HDGFL3: variants seen among roughly 807,000 people sequenced by gnomAD.
The protein encoded by HDGFL3 is HDGF like 3.
In HDGFL3, 6 loss-of-function variants were observed where a neutral mutation model predicts 27.6. The observed-to-expected ratio is 0.22, with a 90% confidence interval of 0.12 to 0.43. The LOEUF is 0.43. HDGFL3 is among the 20% of genes least tolerant of loss of function. HDGFL3 has a pLI of 1.00. For missense variants in HDGFL3, 207 were observed against 250.1 expected (o/e 0.83, Z 1.16); for synonymous variants, 88 against 88.9 (o/e 0.99, Z 0.05).
At chr15:83,157,133 G>C (rs1157331346) in intron 4 of HDGFL3, among the ~76,000 whole-genome samples, 8 of 152,100 alleles carry the variant, frequency 5.3e-5, no homozygotes, top group Non-Finnish European at 1.5e-5. Flanking sequence ...GTTACTGTAG[G>C]AGGCAAAGCT....
downstream of HDGFL3, among the ~76,000 whole-genome samples, chr15:83,123,563 T>C (rs183174524): frequency 9.6e-4 from 147 of 152,386 alleles, no homozygotes; most frequent in African/African-American, 3.4e-3. Flanking sequence ...AGAATACGAC[T>C]ATTCATTTTA....
chr15:83,195,399 G>A (rs2037557246), intron 1 of HDGFL3, among the ~76,000 whole-genome samples: 1 of 151,838 alleles, frequency 6.6e-6, no homozygotes. Flanking sequence ...GTCTGATCAT[G>A]ATACTGAATA....
chr15:83,207,328 C>CA lies in HDGFL3; in HGVS notation c.84+2dup. ...CGGGCCCGCGCGCGGCCGCGGTACT[C>CA]ACCCGGGCCGGCCAGTGCGGGTAGC... On this transcript the variant is annotated splice_region_variant and intron_variant, in intron 1 of 5. Transcript: ENST00000299633. This position sits in a 1 kb window ranked among gnomAD's most constrained non-coding sequence, Gnocchi z 4.8. 7.2e-7 allele frequency: 1 copy of CA among 1,386,698 alleles called. No individual in the cohort carries two copies. The highest frequency in any genetic ancestry group is 9.4e-7 in the Non-Finnish European group (1 of 1,065,990). 85.9% of individuals were successfully genotyped at this position (1,386,698 alleles called of 1,614,324 possible).
At position 83,143,736 on chromosome 15, in the gene HDGFL3, C is replaced by T. The variant is rs80029543; in HGVS notation, c.607-4461G>A. The stretch of plus-strand genomic sequence containing the variant: ...AACGCAGACTTAATCTTGTGGGGCA[C>T]TGGGGAGATATAAGGCAGCAGCCAC... On this transcript the variant is annotated intron_variant, in intron 5 of 5. Transcript: ENST00000299633. Among the ~76,000 whole-genome samples the T allele has an allele frequency of 6.7e-3, 1,024 of 152,218 alleles. 16 individuals carry two copies. Among genetic ancestry groups the T allele is most frequent in the African/African-American group, 0.024 (980 of 41,534 alleles).
At chr15:83,200,856 CT>C (rs200038603) in intron 1 of HDGFL3, among the ~76,000 whole-genome samples, 32,984 of 120,032 alleles carry the variant, frequency 0.27, 4,051 homozygotes, top group African/African-American at 0.39. Context: ...TTACTTTATT[CT>C]TTTTTTTTTT....
rs552944515 is a variant in HDGFL3 at position 83,134,042 on chromosome 15, G to T, written c.*5228C>A. ...GCCTTGTTTAATAATTCTGAATAAA[G>T]AGGCCTACTAAAATACATACAAAAC... On this transcript the variant is annotated 3_prime_UTR_variant, in exon 6 of 6. Transcript: ENST00000299633. 4 of 152,252 alleles carry T rather than the reference G, an allele frequency of 2.6e-5. No individual in the cohort carries two copies. The South Asian group carries it at 8.3e-4, about 32-fold the overall frequency. 9.4% of individuals were successfully genotyped at this position (152,252 alleles called of 1,614,324 possible). A position where few individuals can be genotyped will look rare whatever the true frequency, so the allele number is the denominator to read the frequency against.
At chr15:83,202,438 G>A (rs947383915) in intron 1 of HDGFL3, among the ~76,000 whole-genome samples, 3 of 152,076 alleles carry the variant, frequency 2.0e-5, no homozygotes, top group Admixed American at 6.5e-5. Context: ...CAGACAGGCT[G>A]AAACCAGAAC....
At chr15:83,204,061 T>C (rs1269579621) in intron 1 of HDGFL3, among the ~76,000 whole-genome samples, 2 of 149,028 alleles carry the variant, frequency 1.3e-5, no homozygotes, top group East Asian at 3.9e-4. Flanking sequence ...GTTAGAATAA[T>C]ACATCTGAAC....
chr15:83,115,647 G>A (rs886332372), exon 4 of HDGFL3: 1 of 687,890 alleles, frequency 1.5e-6, no homozygotes, highest in Non-Finnish European at 2.7e-6. Flanking sequence ...TACTTAGGCA[G>A]GGATGGGGAG....
At chr15:83,180,297 T>C (rs1280273296) in intron 1 of HDGFL3, among the ~76,000 whole-genome samples, 1 of 151,470 alleles carries the variant, frequency 6.6e-6, no homozygotes, top group Admixed American at 6.6e-5. Flanking sequence ...AATAAAGGAG[T>C]CTCTATGCAT....
At chr15:83,200,655 G>A (rs1427438401) in intron 1 of HDGFL3, among the ~76,000 whole-genome samples, 2 of 152,032 alleles carry the variant, frequency 1.3e-5, no homozygotes, top group Non-Finnish European at 2.9e-5. Context: ...GAAAGAGTAA[G>A]AATTATCATC....
chr15:83,182,353 T>C (rs1000742761), intron 1 of HDGFL3, among the ~76,000 whole-genome samples: 1 of 152,224 alleles, frequency 6.6e-6, no homozygotes, highest in Non-Finnish European at 1.5e-5. Context: ...TGAAAAGGTA[T>C]GTCCACACAA....
chr15:83,149,921 G>A lies in HDGFL3; in HGVS notation c.606+1294C>T, dbSNP rs1043743596. 2.0e-5 allele frequency among the ~76,000 whole-genome samples: 3 copies of A among 152,120 alleles called. No homozygotes were observed. The South Asian group carries it at 6.2e-4, about 32-fold the overall frequency. On this transcript the variant is annotated intron_variant, in intron 5 of 5. Transcript: ENST00000299633. Reference sequence around the variant, plus strand: ...GTGTGCTTTGGAGAAAACAGGAGGAGATAATATTCTGAACCATGACAATAG... The same window carrying A: ...GTGTGCTTTGGAGAAAACAGGAGGAAATAATATTCTGAACCATGACAATAG...
At chr15:83,199,886 CA>C (rs991155042) in intron 1 of HDGFL3, among the ~76,000 whole-genome samples, 8 of 145,040 alleles carry the variant, frequency 5.5e-5, no homozygotes, top group African/African-American at 7.6e-5. Flanking sequence ...ACTAAAAATA[CA>C]AAAAAAAAAT....
chr15:83,128,645 T>C lies in HDGFL3; in HGVS notation c.*10625A>G, dbSNP rs999226783. 2.6e-5 allele frequency: 4 copies of C among 152,204 alleles called. No individual in the cohort carries two copies. The highest frequency in any genetic ancestry group is 7.2e-5 in the African/African-American group (3 of 41,456). 9.4% of individuals were successfully genotyped at this position (152,204 alleles called of 1,614,324 possible). ...GTATTTCATTCCAAACTCAGTCTTT[T>C]TACTTGCATGCCTCACTAGCACCTC... On this transcript the variant is annotated 3_prime_UTR_variant, in exon 6 of 6. Coordinates refer to ENST00000299633, the MANE Select transcript of HDGFL3 (RefSeq NM_016073.4).
intron 5 of HDGFL3, among the ~76,000 whole-genome samples, chr15:83,148,362 C>G (rs1246099988): frequency 6.6e-6 from 1 of 152,102 alleles, no homozygotes; most frequent in African/African-American, 2.4e-5. Flanking sequence ...TGGCTCACAC[C>G]TGTAATCCCA....
chr15:83,189,963 T>G (rs1206391056), intron 1 of HDGFL3, among the ~76,000 whole-genome samples: 1 of 152,124 alleles, frequency 6.6e-6, no homozygotes, highest in Admixed American at 6.5e-5. Flanking sequence ...TCCAGCACTT[T>G]GGGAGGCCAA....
chr15:83,126,914 T>C, downstream of HDGFL3: 1 of 1,282,382 alleles, frequency 7.8e-7, no homozygotes, highest in Non-Finnish European at 1.1e-6. Context: ...GGGTCCCAGC[T>C]GGGTGCGGTG....
In HDGFL3 at chr15:83,136,928, T is replaced by C. The variant is rs2036651822; in HGVS notation, c.*2342A>G. 3.6e-6 allele frequency: 1 copy of C among 280,444 alleles called. No homozygotes were observed. The highest frequency in any genetic ancestry group is 6.7e-6 in the Non-Finnish European group (1 of 150,106). 17.4% of individuals were successfully genotyped at this position (280,444 alleles called of 1,614,324 possible). On this transcript the variant is annotated 3_prime_UTR_variant, in exon 6 of 6. Transcript: ENST00000299633. ...TAAACTTGATCATCCATCTCAATAT[T>C]GTTTGACATATAAAATAATTATAAG...
Sources: gnomAD v4.1 joint callset for allele counts (sites outside exome capture counted in the v4.1 genomes callset) on GRCh38, gnomAD v4.1.1 for gene constraint, Gnocchi (gnomAD v3.1) non-coding constraint, MANE v1.5 for transcripts, NCBI Gene and HGNC (gene_info 2026-07-23, HGNC 2026-07-21) for gene names.